The following RUVBL1 variants were observed in gnomAD, a reference collection of about 807,000 sequenced individuals.
RUVBL1 encodes ruvB-like 1.
RUVBL1 carries 4 observed loss-of-function variants against 52.4 expected under a neutral mutation model. The ratio of observed to expected loss-of-function variants is 0.08; its 90% CI spans 0.04 to 0.17. RUVBL1 has a LOEUF of 0.17. Ranked by LOEUF, RUVBL1 falls within the 10% of genes least tolerant of loss-of-function variation. RUVBL1 has a pLI of 1.00. For missense variants in RUVBL1, 298 were observed against 572.8 expected (o/e 0.52, Z 4.90); for synonymous variants, 217 against 214.4 (o/e 1.01, Z -0.10).
intron 6 of RUVBL1, among the ~76,000 whole-genome samples, chr3:128,099,547 G>C (rs1457039419): frequency 6.6e-6 from 1 of 152,196 alleles, no homozygotes; most frequent in Non-Finnish European, 1.5e-5. Context: ...TTAACTTGGA[G>C]CTGATCATGG....
At chr3:128,075,567 G>C (rs1426631367) in intron 9 of RUVBL1, among the ~76,000 whole-genome samples, 1 of 152,052 alleles carries the variant, frequency 6.6e-6, no homozygotes, top group Non-Finnish European at 1.5e-5. Flanking sequence ...CCTGCCTGCC[G>C]GGACTTCAAC....
chr3:128,119,959 T>G (rs770320027), intron 1 of RUVBL1, among the ~76,000 whole-genome samples: 1 of 152,176 alleles, frequency 6.6e-6, no homozygotes, highest in Non-Finnish European at 1.5e-5. Context: ...AGTTTGGATT[T>G]TATTCTACAT....
rs1292851639 is a variant in RUVBL1 at position 128,123,767 on chromosome 3, G to A, written c.-43C>T. 1 of 1,552,648 alleles carries A rather than the reference G, an allele frequency of 6.4e-7. No homozygotes were observed. The highest frequency in any genetic ancestry group is 1.7e-5 in the Admixed American group (1 of 57,182). ...CTAAAACCAGCGTGGAAAACCAGCA[G>A]CTAGGACAGTGCGCCCGGCGCCTGA... On this transcript the variant is annotated 5_prime_UTR_variant, in exon 1 of 11. Coordinates refer to ENST00000322623, the MANE Select transcript of RUVBL1 (RefSeq NM_003707.3).
At chr3:128,118,171 T>C (rs1234200789) in intron 2 of RUVBL1, among the ~76,000 whole-genome samples, 1 of 151,966 alleles carries the variant, frequency 6.6e-6, no homozygotes, top group African/African-American at 2.4e-5. Context: ...AAATGGTAAA[T>C]GCACTGGACA....
At chr3:128,104,228 C>T (rs1467250920) in intron 4 of RUVBL1, among the ~76,000 whole-genome samples, 2 of 152,328 alleles carry the variant, frequency 1.3e-5, no homozygotes, top group East Asian at 3.9e-4. Context: ...TATCCAGTGT[C>T]ACCATTCTGG....
chr3:128,076,382 G>A (rs936550696), downstream of RUVBL1, among the ~76,000 whole-genome samples: 2 of 152,200 alleles, frequency 1.3e-5, no homozygotes, highest in East Asian at 3.9e-4. The surrounding 1 kb of genome is among the most constrained non-coding windows in gnomAD (Gnocchi z 6.8). Flanking sequence ...AGGAGCACAG[G>A]GGGGCGGCCG....
chr3:128,105,865 C>CTT (rs11311563), intron 3 of RUVBL1, among the ~76,000 whole-genome samples: 124 of 88,884 alleles, frequency 1.4e-3, no homozygotes, highest in Non-Finnish European at 1.7e-3. Context: ...TTCCCTTTTT[C>CTT]TTTTTTTTTT....
downstream of RUVBL1, among the ~76,000 whole-genome samples, chr3:128,080,125 G>A (rs1320456872): frequency 3.9e-5 from 6 of 152,202 alleles, no homozygotes; most frequent in Non-Finnish European, 7.3e-5. Context: ...GTGGGCGAAC[G>A]CAGAGATTCG....
chr3:128,145,035 G>A (rs1397945875), intron 1 of RUVBL1, among the ~76,000 whole-genome samples: 1 of 152,178 alleles, frequency 6.6e-6, no homozygotes, highest in African/African-American at 2.4e-5. Context: ...CTCAGAGGAA[G>A]GAGGAACGGA....
downstream of RUVBL1, chr3:128,076,064 T>A (rs556121980): frequency 6.6e-6 from 1 of 152,666 alleles, no homozygotes; most frequent in East Asian, 1.9e-4. The surrounding 1 kb of genome is among the most constrained non-coding windows in gnomAD (Gnocchi z 6.8). Context: ...GGCACACGGC[T>A]CCTCCCTGGC....
intron 1 of RUVBL1, among the ~76,000 whole-genome samples, chr3:128,123,245 A>T (rs1306410019): frequency 2.6e-5 from 4 of 152,164 alleles, no homozygotes; most frequent in African/African-American, 9.7e-5. Flanking sequence ...ACTAAAATGT[A>T]AGCTCCTATC....
At chr3:128,066,801 G>C in intron 9 of RUVBL1, 1 of 669,138 alleles carries the variant, frequency 1.5e-6, no homozygotes, top group South Asian at 1.9e-5. Flanking sequence ...TGGGTAAGGA[G>C]TGGGCACAAG....
chr3:128,098,747 T>A (rs551482043), intron 7 of RUVBL1, 135 bp downstream of exon 7: 9 of 747,436 alleles, frequency 1.2e-5, no homozygotes, highest in Non-Finnish European at 2.1e-5. Context: ...AGAGTCAAGC[T>A]CTAAGCTATG....
intron 9 of RUVBL1, chr3:128,084,084 A>T (rs60973377): frequency 0.14 from 21,838 of 153,046 alleles, 4,071 homozygotes; most frequent in African/African-American, 0.42. Flanking sequence ...ATCTCAAAAA[A>T]AGAAAGAAAG....
At chr3:128,089,547 A>G (rs915055040) in intron 8 of RUVBL1, among the ~76,000 whole-genome samples, 1 of 152,272 alleles carries the variant, frequency 6.6e-6, no homozygotes, top group East Asian at 1.9e-4. Flanking sequence ...ATTTAACTTT[A>G]GTAAAAATAA....
intron 8 of RUVBL1, 73 bp downstream of exon 8, chr3:128,097,227 G>T: frequency 2.1e-6 from 3 of 1,417,994 alleles, no homozygotes; most frequent in Non-Finnish European, 2.9e-6. Flanking sequence ...ATGGGGTTTG[G>T]AGAGATCCTG....
chr3:128,101,835 G>A (rs1943114856), intron 4 of RUVBL1, among the ~76,000 whole-genome samples, 187 bp from the exon 5 acceptor site: 1 of 152,178 alleles, frequency 6.6e-6, no homozygotes, highest in Admixed American at 6.5e-5. Context: ...CAGACTGGCT[G>A]GGGGACTAAG....
At position 128,067,841 on chromosome 3, in the gene RUVBL1, C is replaced by T. The variant is rs1559799216; in HGVS notation, c.940-2621G>A. The T allele has an allele frequency of 1.3e-6, 1 of 751,810 alleles. No homozygotes were observed. The highest frequency in any genetic ancestry group is 2.2e-5 in the Admixed American group (1 of 45,656). The allele number at this position is 751,810 out of a possible 1,614,324, so 46.6% of individuals were successfully genotyped here. ...TGTAAAGTTAGACTTTTTCATATGA[C>T]TTCCTTGCGGCAGTTTTAAAGTTCT... On this transcript the variant is annotated intron_variant, in intron 9 of 9. Coordinates refer to the RUVBL1 transcript ENST00000464873. This position sits in a 1 kb window ranked among gnomAD's most constrained non-coding sequence, Gnocchi z 4.1.
rs868365687 is a variant in RUVBL1, at chr3:128,103,290, T to C, written c.513+1483A>G. 6.6e-5 allele frequency among the ~76,000 whole-genome samples: 10 copies of C among 152,328 alleles called. No individual in the cohort carries two copies. The Middle Eastern group carries it at 0.014, about 207-fold the overall frequency. ...CCTCAAGCATTTTTATATCGGTTAATTTCCCAAATGAATTGACTGAAGATG... is the reference window on the plus strand; with the variant it reads ...CCTCAAGCATTTTTATATCGGTTAACTTCCCAAATGAATTGACTGAAGATG... On this transcript the variant is annotated intron_variant, in intron 4 of 10. Transcript: ENST00000322623.
Sources: allele counts gnomAD v4.1 joint callset (sites outside exome capture counted in the v4.1 genomes callset), GRCh38; gene constraint gnomAD v4.1.1; non-coding constraint Gnocchi (gnomAD v3.1); transcripts MANE v1.5; gene names NCBI Gene and HGNC (gene_info 2026-07-23, HGNC 2026-07-21).